NLGN1: variants seen among roughly 807,000 people sequenced by gnomAD.
The protein encoded by NLGN1 is neuroligin-1.
A neutral mutation model predicts 65.5 loss-of-function variants in NLGN1; 12 were observed. The observed-to-expected ratio is 0.18, with a 90% CI of 0.12 to 0.30. The LOEUF (loss-of-function observed/expected upper bound fraction) is 0.30. Among genes scored for constraint, NLGN1 ranks in the 10% least tolerant of loss-of-function variants. NLGN1 has a pLI of 1.00. For missense variants in NLGN1, 750 were observed against 1,007.1 expected, an observed-to-expected ratio of 0.74 and a Z score of 3.46; for synonymous variants, 350 against 359.5, an observed-to-expected ratio of 0.97 and a Z score of 0.30.
At chr3:173,992,171 A>G (rs935914862) in intron 4 of NLGN1, among the ~76,000 whole-genome samples, 1 of 152,160 alleles carries the variant, frequency 6.6e-6, no homozygotes, top group African/African-American at 2.4e-5. Context: ...TCATAGTAAG[A>G]AACAGATTTA....
chr3:173,718,074 A>G (rs1770167614), intron 3 of NLGN1, among the ~76,000 whole-genome samples: 1 of 152,124 alleles, frequency 6.6e-6, no homozygotes, highest in Non-Finnish European at 1.5e-5. Flanking sequence ...TGATACTTAA[A>G]TACTATGTGT....
chr3:174,172,504 G>C (rs938958190), intron 4 of NLGN1, among the ~76,000 whole-genome samples: 2 of 152,014 alleles, frequency 1.3e-5, no homozygotes, highest in African/African-American at 4.8e-5. Context: ...TGTGGCAAGA[G>C]ATAGAGGTCT....
At chr3:174,209,919 C>T (rs914334111) in intron 4 of NLGN1, among the ~76,000 whole-genome samples, 2 of 152,058 alleles carry the variant, frequency 1.3e-5, no homozygotes, top group Non-Finnish European at 2.9e-5. Flanking sequence ...GCGTGAACCA[C>T]CGCGCCTGGC....
intron 2 of NLGN1, among the ~76,000 whole-genome samples, chr3:173,588,104 C>G (rs1185451926): frequency 6.6e-6 from 1 of 152,124 alleles, no homozygotes; most frequent in African/African-American, 2.4e-5. Flanking sequence ...AACCAACTTT[C>G]AATTAATTTA....
intron 3 of NLGN1, among the ~76,000 whole-genome samples, chr3:173,609,166 A>T (rs556489582): frequency 6.6e-6 from 1 of 152,002 alleles, no homozygotes; most frequent in Admixed American, 6.6e-5. Context: ...TGTCTGGCTC[A>T]TGGATTCTCT....
At chr3:174,247,931 GATA>G (rs1202605327) in intron 4 of NLGN1, among the ~76,000 whole-genome samples, 1 of 152,168 alleles carries the variant, frequency 6.6e-6, no homozygotes, top group Admixed American at 6.5e-5. Flanking sequence ...TCTTGAAAAA[GATA>G]ATAATCCATA....
chr3:173,805,821 C>G (rs1012278657), intron 3 of NLGN1, among the ~76,000 whole-genome samples: 8 of 152,138 alleles, frequency 5.3e-5, no homozygotes, highest in Non-Finnish European at 8.8e-5. Flanking sequence ...GAAGCTGAAA[C>G]TGTATGTAGC....
chr3:173,852,355 CAAAAAAAAAAAAAAAAAA>C (rs71162367), intron 4 of NLGN1, among the ~76,000 whole-genome samples: 3 of 46,650 alleles, frequency 6.4e-5, no homozygotes, highest in Admixed American at 4.6e-4. Context: ...GACTCCGTCT[CAAAAAAAAAAAAAAAAAA>C]AAAAAAAAAA....
At chr3:173,859,468 AC>A (rs1336962952) in intron 4 of NLGN1, among the ~76,000 whole-genome samples, 2 of 152,026 alleles carry the variant, frequency 1.3e-5, no homozygotes, top group African/African-American at 2.4e-5. Context: ...TTCAGAGAGA[AC>A]CCCGATGCCT....
intron 2 of NLGN1, among the ~76,000 whole-genome samples, chr3:173,470,561 G>A (rs752521852): frequency 6.6e-6 from 1 of 152,062 alleles, no homozygotes; most frequent in Non-Finnish European, 1.5e-5. Flanking sequence ...GTGAATGTGA[G>A]CAATTTTCTT....
intron 2 of NLGN1, among the ~76,000 whole-genome samples, chr3:173,531,825 C>A (rs920013600): frequency 3.3e-5 from 5 of 152,044 alleles, no homozygotes; most frequent in Admixed American, 6.6e-5. Flanking sequence ...TTTTCTAAGT[C>A]CTCTGCTCTT....
chr3:173,457,246 A>G (rs1373886273), intron 2 of NLGN1, among the ~76,000 whole-genome samples: 2 of 152,078 alleles, frequency 1.3e-5, no homozygotes, highest in African/African-American at 2.4e-5. Context: ...ATTTGAGTTG[A>G]GAAGTCAGGC....
At chr3:174,089,010 C>T (rs1324580244) in intron 4 of NLGN1, among the ~76,000 whole-genome samples, 1 of 151,828 alleles carries the variant, frequency 6.6e-6, no homozygotes, top group Non-Finnish European at 1.5e-5. Context: ...TTTTAAAATC[C>T]TAAATGCTCT....
At chr3:173,907,454 T>C (rs1479231969) in intron 4 of NLGN1, among the ~76,000 whole-genome samples, 1 of 152,260 alleles carries the variant, frequency 6.6e-6, no homozygotes, top group Non-Finnish European at 1.5e-5. Context: ...CTTCCCTATT[T>C]CCCTACATTT....
chr3:173,695,113 T>A (rs570078200), intron 3 of NLGN1, among the ~76,000 whole-genome samples: 43 of 152,254 alleles, frequency 2.8e-4, no homozygotes, highest in African/African-American at 6.3e-4. Context: ...GTCATTTTTT[T>A]AAAAATCCCA....
At chr3:174,043,789 C>T (rs1732892978) in intron 4 of NLGN1, among the ~76,000 whole-genome samples, 1 of 152,170 alleles carries the variant, frequency 6.6e-6, no homozygotes, top group Admixed American at 6.5e-5. Flanking sequence ...GGATGGAGGC[C>T]CTCTTCTCAC....
chr3:173,687,689 T>C (rs1426899544), intron 3 of NLGN1, among the ~76,000 whole-genome samples: 1 of 152,228 alleles, frequency 6.6e-6, no homozygotes, highest in Admixed American at 6.5e-5. Context: ...CAGATAACTA[T>C]ACATATTTAT....
At chr3:174,077,040 C>T (rs1217370519) in intron 4 of NLGN1, among the ~76,000 whole-genome samples, 2 of 152,106 alleles carry the variant, frequency 1.3e-5, no homozygotes, top group Admixed American at 1.3e-4. Flanking sequence ...TTAATAAATG[C>T]TGATTTGTTT....
chr3:174,040,065 A>G (rs2152487442), intron 4 of NLGN1, among the ~76,000 whole-genome samples: 1 of 152,272 alleles, frequency 6.6e-6, no homozygotes, highest in East Asian at 1.9e-4. Flanking sequence ...TGTCCTAATT[A>G]TCTTTGACTT....
Sources: gnomAD v4.1 joint callset for allele counts (sites outside exome capture counted in the v4.1 genomes callset) on GRCh38, gnomAD v4.1.1 for gene constraint, MANE v1.5 for transcripts, NCBI Gene and HGNC (gene_info 2026-07-23, HGNC 2026-07-21) for gene names.